RIMS2: variants seen among roughly 807,000 people sequenced by gnomAD.
The protein encoded by RIMS2 is regulating synaptic membrane exocytosis 2.
RIMS2 carries 59 observed loss-of-function variants against 174.4 expected under a neutral mutation model. The observed-to-expected ratio is 0.34, with a 90% CI of 0.27 to 0.42. The LOEUF (loss-of-function observed/expected upper bound fraction) is 0.42. Among genes scored for constraint, RIMS2 ranks in the 10% least tolerant of loss-of-function variants. RIMS2 has a pLI of 1.00. For missense variants in RIMS2, 1,620 were observed against 1,666.3 expected (o/e 0.97, Z 0.48); for synonymous variants, 606 against 572.5 (o/e 1.06, Z -0.84).
intron 19 of RIMS2, among the ~76,000 whole-genome samples, chr8:104,242,399 A>G (rs564272580): frequency 1.3e-5 from 2 of 152,336 alleles, no homozygotes; most frequent in African/African-American, 4.8e-5. Flanking sequence ...TCAAATGCAT[A>G]TTCAAATTTT....
At chr8:103,542,766 A>G (rs1449169003) in intron 1 of RIMS2, among the ~76,000 whole-genome samples, 1 of 152,174 alleles carries the variant, frequency 6.6e-6, no homozygotes, top group Non-Finnish European at 1.5e-5. Context: ...ATGAAGGACA[A>G]AAATCATATG....
chr8:103,635,355 C>G (rs2096050689), intron 1 of RIMS2, among the ~76,000 whole-genome samples: 2 of 152,352 alleles, frequency 1.3e-5, no homozygotes, highest in South Asian at 4.1e-4. Flanking sequence ...TGAGTTGGTA[C>G]TGACTGGATC....
intron 1 of RIMS2, among the ~76,000 whole-genome samples, chr8:103,570,723 C>T (rs1295401051): frequency 6.6e-6 from 1 of 152,012 alleles, no homozygotes; most frequent in Non-Finnish European, 1.5e-5. Context: ...ATAGCTTGTT[C>T]AAAAATAACA....
At chr8:103,534,711 TC>T (rs1459258387) in intron 1 of RIMS2, among the ~76,000 whole-genome samples, 3 of 152,170 alleles carry the variant, frequency 2.0e-5, no homozygotes, top group Non-Finnish European at 4.4e-5. Context: ...TGAAATATTT[TC>T]CCCCCAAAGA....
chr8:104,194,989 T>C (rs1339413822), intron 19 of RIMS2, among the ~76,000 whole-genome samples: 1 of 152,180 alleles, frequency 6.6e-6, no homozygotes, highest in African/African-American at 2.4e-5. Flanking sequence ...GGATAACAGG[T>C]ATGCCTTTTA....
intron 1 of RIMS2, among the ~76,000 whole-genome samples, chr8:103,506,728 A>G (rs144310994): frequency 1.3e-3 from 197 of 152,286 alleles, no homozygotes; most frequent in African/African-American, 4.4e-3. Flanking sequence ...TTCCTTGTCT[A>G]TTATGAAGTC....
intron 3 of RIMS2, among the ~76,000 whole-genome samples, chr8:103,867,757 T>C (rs2099090790): frequency 6.6e-6 from 1 of 151,882 alleles, no homozygotes; most frequent in South Asian, 2.1e-4. Context: ...AAAAATAAAA[T>C]TCCATTTTTA....
In RIMS2 at chr8:103,918,439, A is replaced by G; in HGVS notation, c.2037-2A>G. ...CTTTCTTTTTTTTTTTAATCATTTC[A>G]GAGATATACCGCGAATACCTGATAG... On this transcript the variant is annotated splice_acceptor_variant, in intron 8 of 23. Coordinates refer to ENST00000504942, the Ensembl canonical transcript of RIMS2. LOFTEE classifies it high-confidence loss of function. 6.4e-7 allele frequency: 1 copy of G among 1,555,534 alleles called. No homozygotes were observed. Among genetic ancestry groups the G allele is most frequent in the Non-Finnish European group, 8.7e-7 (1 of 1,149,888 alleles).
At chr8:103,932,712 A>G (rs999555861) in intron 12 of RIMS2, among the ~76,000 whole-genome samples, 2 of 152,180 alleles carry the variant, frequency 1.3e-5, no homozygotes, top group Non-Finnish European at 2.9e-5. Flanking sequence ...ATTTTTGCTT[A>G]GTTTTATTTT....
intron 2 of RIMS2, among the ~76,000 whole-genome samples, chr8:103,752,872 A>G (rs1445686757): frequency 1.3e-5 from 2 of 152,204 alleles, no homozygotes; most frequent in Non-Finnish European, 2.9e-5. Flanking sequence ...CAATCATGTC[A>G]TCTGCAAACA....
rs969687659 is a variant in RIMS2 at position 103,521,332 on chromosome 8, G to A, written c.176+20270G>A. Among the ~76,000 whole-genome samples, 3 of 151,790 alleles carry A rather than the reference G, an allele frequency of 2.0e-5. No homozygotes were observed. In the South Asian group the frequency reaches 6.2e-4, roughly 32 times the overall value. ...CAATAGTTTTTAAAATGAAAAAAGT[G>A]TGTAACCTCACCATCCTATACAACT... On this transcript the variant is annotated intron_variant, in intron 1 of 23. Transcript: ENST00000504942.
In RIMS2 at chr8:103,975,352, T is replaced by C. The variant is rs2093326488; in HGVS notation, c.2773T>C (p.Tyr925His). ...ATTTATTAATTTTCTACCTTTAGAT[T>C]ATCGACATGATGGTCGAGATCTTCA... Residue 925 changes from tyrosine to histidine, a missense_variant and splice_region_variant, in exon 16 of 24, where the codon TAT becomes CAT. Transcript: ENST00000504942. 1.9e-6 allele frequency: 3 copies of C among 1,609,244 alleles called. No individual in the cohort carries two copies. In the African/African-American group the frequency reaches 4.0e-5, roughly 21 times the overall value.
In RIMS2 at chr8:104,134,337, C is replaced by T. The variant is rs372763378; in HGVS notation, c.3335-110579C>T. On this transcript the variant is annotated intron_variant, in intron 19 of 23. Coordinates refer to ENST00000504942, the Ensembl canonical transcript of RIMS2. Reference sequence around the variant, plus strand: ...AAAATTAGCCGAGCATGGTGTTGAGCGCCTACAATCCCAGCTACTCTGGAG... The same window carrying T: ...AAAATTAGCCGAGCATGGTGTTGAGTGCCTACAATCCCAGCTACTCTGGAG... 3.9e-5 allele frequency among the ~76,000 whole-genome samples: 6 copies of T among 152,166 alleles called. No individual in the cohort carries two copies. In the East Asian group the frequency reaches 7.8e-4, roughly 20 times the overall value.
At chr8:103,933,649 T>C (rs1017236781) in intron 12 of RIMS2, among the ~76,000 whole-genome samples, 4 of 152,226 alleles carry the variant, frequency 2.6e-5, no homozygotes, top group African/African-American at 9.6e-5. Context: ...TTGTTATTTA[T>C]CAGGAATTTG....
At chr8:103,834,760 C>T (rs74815732) in intron 3 of RIMS2, among the ~76,000 whole-genome samples, 1 of 133,912 alleles carries the variant, frequency 7.5e-6, no homozygotes, top group Admixed American at 7.6e-5. Context: ...CTTTCTTTTT[C>T]TCTCTCTCTT....
chr8:103,922,451 G>A lies in RIMS2; in HGVS notation c.2196+667G>A, dbSNP rs75864240. On this transcript the variant is annotated intron_variant, in intron 10 of 23. Transcript: ENST00000504942. ...AAATCTAAGTCTTTACTTTTTATTC[G>A]TTTGTTCTGTTGTAATTCCCTCATT... Among the ~76,000 whole-genome samples the A allele has an allele frequency of 1.0e-2, 1,509 of 151,636 alleles. 19 individuals are homozygous for A. Among genetic ancestry groups the A allele is most frequent in the South Asian group, 0.046 (223 of 4,804 alleles).
intron 17 of RIMS2, among the ~76,000 whole-genome samples, chr8:104,008,978 G>A (rs1464809060): frequency 1.3e-5 from 2 of 151,786 alleles, no homozygotes; most frequent in African/African-American, 4.8e-5. Flanking sequence ...GATTTCTATG[G>A]CAAATATTTT....
intron 1 of RIMS2, among the ~76,000 whole-genome samples, chr8:103,583,242 C>T (rs1487256358): frequency 6.6e-6 from 1 of 151,898 alleles, no homozygotes; most frequent in African/African-American, 2.4e-5. Context: ...GGGGTGCTCT[C>T]TAAAACAGAT....
At chr8:103,978,218 A>C (rs1434664251) in intron 16 of RIMS2, among the ~76,000 whole-genome samples, 2 of 152,238 alleles carry the variant, frequency 1.3e-5, no homozygotes, top group South Asian at 2.1e-4. Context: ...AGAACATTTG[A>C]ACAGTCCAAT....
Sources: allele counts gnomAD v4.1 joint callset (sites outside exome capture counted in the v4.1 genomes callset), GRCh38; gene constraint gnomAD v4.1.1; transcripts MANE v1.5; gene names NCBI Gene and HGNC (gene_info 2026-07-23, HGNC 2026-07-21).